Variants in TBC1D30 observed in about 807,000 individuals in gnomAD.
TBC1D30 encodes the protein TBC1 domain family, member 30.
TBC1D30 carries 31 observed loss-of-function variants against 63.2 expected under a neutral mutation model. That is an observed-to-expected ratio of 0.49 (90% CI 0.37 to 0.66). The LOEUF (loss-of-function observed/expected upper bound fraction) is 0.66, where lower values mean the gene tolerates loss of function less well. Among genes scored for constraint, TBC1D30 ranks in the 30% least tolerant of loss-of-function variants. The pLI, the probability that TBC1D30 is intolerant of heterozygous loss-of-function variation, is 0.00. For synonymous variants in TBC1D30, 307 were observed against 361.5 expected, an observed-to-expected ratio of 0.85 and a Z score of 1.71; for missense variants, 810 against 953.6, an observed-to-expected ratio of 0.85 and a Z score of 1.98.
At chr12:64,770,139 A>G (rs1455473079) in intron 1 of TBC1D30, among the ~76,000 whole-genome samples, 1 of 152,212 alleles carries the variant, frequency 6.6e-6, no homozygotes, top group Non-Finnish European at 1.5e-5. Context: ...TTTTTTGTCA[A>G]ATGTGAACAT....
chr12:64,860,322 T>A (rs1047091614), intron 8 of TBC1D30, among the ~76,000 whole-genome samples: 3 of 152,138 alleles, frequency 2.0e-5, no homozygotes, highest in Admixed American at 2.0e-4. Context: ...TTGGCTAATT[T>A]TTTTTAATGT....
rs961344220 is a variant in TBC1D30 at position 64,875,248 on chromosome 12, T to C, written c.1746T>C (p.His582=). ...HKKNMPRTKS[H]PGCGDTVGLI... Reference sequence around the variant, plus strand: ...AGAACATGCCAAGGACCAAGAGTCATCCGGGCTGTGGGGACACCGTAGGGC... The same window carrying C: ...AGAACATGCCAAGGACCAAGAGTCACCCGGGCTGTGGGGACACCGTAGGGC... The change falls in exon 12 of 12, where the codon CAT becomes CAC. Residue 582 remains histidine, a synonymous_variant. Transcript: ENST00000539867. 2.2e-5 allele frequency: 34 copies of C among 1,536,136 alleles called. No homozygotes were observed. The African/African-American group carries it at 4.5e-4, about 20-fold the overall frequency.
rs76741622 is a variant in TBC1D30 at position 64,829,088 on chromosome 12, G to A, written c.282+579G>A. Among the ~76,000 whole-genome samples, 557 of 152,310 alleles carry A rather than the reference G, an allele frequency of 3.7e-3. 3 individuals are homozygous for A. The highest frequency in any genetic ancestry group is 0.013 in the African/African-American group (541 of 41,556). On this transcript the variant is annotated intron_variant, in intron 3 of 11. Coordinates refer to ENST00000539867, the MANE Select transcript of TBC1D30 (RefSeq NM_015279.2). ...GTGAGGGGGTCATAGAGGTAATGTG[G>A]TGGGTTGAGGGGTGGCAGATCGTGG...
intron 10 of TBC1D30, among the ~76,000 whole-genome samples, chr12:64,869,005 T>A (rs1035620520): frequency 2.0e-5 from 3 of 152,192 alleles, no homozygotes; most frequent in African/African-American, 7.2e-5. Flanking sequence ...AGAATAGAAT[T>A]CTGTGGTCTG....
intron 9 of TBC1D30, 92 bp downstream of exon 9, chr12:64,864,872 T>G: frequency 1.1e-6 from 1 of 880,158 alleles, no homozygotes; most frequent in Non-Finnish European, 1.7e-6. Context: ...GCCCCAGAGA[T>G]ATGTTAAAGT....
At chr12:64,792,782 C>T (rs1271330051) in intron 2 of TBC1D30, among the ~76,000 whole-genome samples, 1 of 152,080 alleles carries the variant, frequency 6.6e-6, no homozygotes, top group African/African-American at 2.4e-5. Flanking sequence ...CCATGTTGGC[C>T]AGGCTGGTCT....
intron 10 of TBC1D30, among the ~76,000 whole-genome samples, chr12:64,869,032 G>A (rs1878444940): frequency 6.6e-6 from 1 of 151,054 alleles, no homozygotes; most frequent in Non-Finnish European, 1.5e-5. Context: ...TCAATGTTAT[G>A]CACTGTTTTA....
intron 1 of TBC1D30, among the ~76,000 whole-genome samples, chr12:64,782,959 G>A (rs78237507): frequency 0.021 from 3,155 of 152,184 alleles, 52 homozygotes; most frequent in Middle Eastern, 0.051. Context: ...CATCATTCGC[G>A]TGCTAAGATT....
intron 2 of TBC1D30, among the ~76,000 whole-genome samples, chr12:64,809,928 G>A (rs894149035): frequency 6.4e-4 from 98 of 152,108 alleles, no homozygotes; most frequent in Admixed American, 4.7e-3. Flanking sequence ...TTGGTAGAAT[G>A]TGTTCCCTTC....
At chr12:64,817,360 G>C (rs1873605774) in intron 2 of TBC1D30, among the ~76,000 whole-genome samples, 1 of 152,180 alleles carries the variant, frequency 6.6e-6, no homozygotes, top group Admixed American at 6.5e-5. Context: ...CTAAAGATGA[G>C]GAAACTGAAA....
intron 11 of TBC1D30, among the ~76,000 whole-genome samples, chr12:64,872,796 A>G (rs1592666371): frequency 6.6e-6 from 1 of 152,206 alleles, no homozygotes; most frequent in Non-Finnish European, 1.5e-5. Flanking sequence ...GCAAGGAGGA[A>G]CAAGTCACAT....
intron 5 of TBC1D30, among the ~76,000 whole-genome samples, chr12:64,834,707 C>CTTTTTTTT (rs11374555): frequency 7.9e-4 from 60 of 76,326 alleles, no homozygotes; most frequent in Non-Finnish European, 1.0e-3. Flanking sequence ...CCGTGCCGGG[C>CTTTTTTTT]TTTTTTTTTT....
rs1878254971 is a variant in TBC1D30, at chr12:64,866,794, A to C, written c.1182A>C (p.Glu394Asp). ...GRHSKARDSDEENDPDDEDAV... is the reference protein window; with the variant it reads ...GRHSKARDSDDENDPDDEDAV... ...ATAGTAAGGCCAGAGACAGTGATGA[A>C]GAGAATGACCCAGACGATGAGGATG... The change falls in exon 10 of 12, where the codon GAA becomes GAC. Residue 394 changes from glutamate (E) to aspartate (D), a missense_variant. Transcript: ENST00000539867. 2 of 1,536,626 alleles carry C rather than the reference A, an allele frequency of 1.3e-6. No individual in the cohort carries two copies. The highest frequency in any genetic ancestry group is 2.7e-5 in the African/African-American group (2 of 73,156).
rs996230829 is a variant in TBC1D30 at position 64,816,042 on chromosome 12, T to G, written c.644-11793T>G. On this transcript the variant is annotated intron_variant, in intron 2 of 12. Coordinates refer to the TBC1D30 transcript ENST00000542120. ...TTTGATTTGTTCAGAATACTTTTTTTTTTTTTTTGAGATGGAGTCTCGCTC... is the reference window on the plus strand; with the variant it reads ...TTTGATTTGTTCAGAATACTTTTTTGTTTTTTTTGAGATGGAGTCTCGCTC... 5.9e-5 allele frequency among the ~76,000 whole-genome samples: 9 copies of G among 152,088 alleles called. No homozygotes were observed. The East Asian group carries it at 1.4e-3, about 23-fold the overall frequency.
intron 2 of TBC1D30, among the ~76,000 whole-genome samples, chr12:64,787,681 GT>G (rs1565641978): frequency 6.6e-6 from 1 of 152,088 alleles, no homozygotes; most frequent in Non-Finnish European, 1.5e-5. Flanking sequence ...ATTGCTGTTT[GT>G]TATCCCTAAA....
Position 64,824,867 on chromosome 12 carries a change from G to A in TBC1D30, c.-13G>A, listed in dbSNP as rs933295239. On this transcript the variant is annotated 5_prime_UTR_variant, in exon 1 of 12. Coordinates refer to ENST00000539867, the MANE Select transcript of TBC1D30 (RefSeq NM_015279.2). ...ACGGACGGTAGCCGTGCCAGAGCCC[G>A]GGGCGCTCTCGGATGCGGCAGGACA... 2.6e-5 allele frequency: 40 copies of A among 1,532,202 alleles called. No individual in the cohort carries two copies. Among genetic ancestry groups the A allele is most frequent in the Middle Eastern group, 2.1e-4 (1 of 4,850 alleles). 94.9% of individuals were successfully genotyped at this position (1,532,202 alleles called of 1,614,324 possible). A position where few individuals can be genotyped will look rare whatever the true frequency, so the allele number is the denominator to read the frequency against.
chr12:64,806,129 C>T (rs1056316547), intron 2 of TBC1D30, among the ~76,000 whole-genome samples: 1 of 152,248 alleles, frequency 6.6e-6, no homozygotes, highest in Non-Finnish European at 1.5e-5. Context: ...ATGTACTGTT[C>T]AATTTCAGCA....
In TBC1D30 at chr12:64,875,146, A is replaced by C; in HGVS notation, c.1644A>C (p.Lys548Asn). ...VIHIPGHTGGKISPVPYEDLK... is the reference protein window; with the variant it reads ...VIHIPGHTGGNISPVPYEDLK... ...ACATCCCTGGTCACACAGGAGGGAA[A>C]ATATCTCCTGTCCCCTACGAAGACC... The change falls in exon 12 of 12, where the codon AAA becomes AAC. Residue 548 changes from lysine to asparagine, a missense_variant. By Grantham distance (94) the Lys-to-Asn change is moderately conservative (BLOSUM62 0). This residue lies in a region of TBC1D30 where 450 missense variants were observed against 473.0 expected (regional missense o/e 0.95). Coordinates refer to ENST00000539867, the MANE Select transcript of TBC1D30 (RefSeq NM_015279.2). 6.5e-7 allele frequency: 1 copy of C among 1,536,382 alleles called. No homozygotes were observed. Among genetic ancestry groups the C allele is most frequent in the Non-Finnish European group, 8.7e-7 (1 of 1,146,934 alleles).
chr12:64,875,009 C>A lies in TBC1D30; in HGVS notation c.1507C>A (p.Pro503Thr). The change falls in exon 12 of 12, where the codon CCA (proline) becomes ACA (threonine). Residue 503 changes from proline to threonine, a missense_variant. Transcript: ENST00000539867. ...TTCAACATTTCTTTCAGACAAAGGG[C>A]CAGTGACCAGCATTCTCCCGTCTCA... The part of the protein sequence containing the change: ...HQVYIRADKG[P>T]VTSILPSQVN... The A allele has an allele frequency of 6.5e-7, 1 of 1,535,472 alleles. No individual in the cohort carries two copies. The highest frequency in any genetic ancestry group is 1.2e-5 in the South Asian group (1 of 83,886).
Sources: gnomAD v4.1 joint callset for allele counts (sites outside exome capture counted in the v4.1 genomes callset) on GRCh38, gnomAD v4.1.1 for gene constraint, gnomAD v4.1.1 regional missense constraint, MANE v1.5 for transcripts, NCBI Gene and HGNC (gene_info 2026-07-23, HGNC 2026-07-21) for gene names.